HELQ: variants seen among roughly 807,000 people sequenced by gnomAD.
The protein encoded by HELQ is helicase, POLQ like.
Under a neutral mutation model 111.6 loss-of-function variants are expected in HELQ, and 77 were observed. The ratio of observed to expected loss-of-function variants is 0.69; its 90% CI spans 0.57 to 0.83. The LOEUF is 0.83. Ranked by LOEUF, HELQ falls within the 40% of genes least tolerant of loss-of-function variation. HELQ has a pLI of 0.00. For synonymous variants in HELQ, 438 were observed against 454.7 expected (o/e 0.96, Z 0.47); for missense variants, 1,200 against 1,288.5 (o/e 0.93, Z 1.05).
intron 1 of HELQ, among the ~76,000 whole-genome samples, chr4:83,454,151 C>T (rs1721584878): frequency 6.6e-6 from 1 of 152,082 alleles, no homozygotes; most frequent in African/African-American, 2.4e-5. Context: ...TGCGGTAAGC[C>T]CAGATCGCGC....
rs1257998926 is a variant in HELQ, at chr4:83,443,627, CAAACA to C, written c.1466-18_1466-14del. On this transcript the variant is annotated splice_polypyrimidine_tract_variant and intron_variant, in intron 5 of 17. Transcript: ENST00000295488. ...ATTTGAGTCGTTTCTAAAACACAAA[CAAACA>C]AAAGCCAAAGTGTTAAGGAAAATAT... 1.7e-6 allele frequency: 2 copies of C among 1,190,888 alleles called. No homozygotes were observed. The highest frequency in any genetic ancestry group is 4.7e-5 in the East Asian group (2 of 42,412). The allele number at this position is 1,190,888 out of a possible 1,614,324, so 73.8% of individuals were successfully genotyped here.
rs992385601 is a variant in HELQ, at chr4:83,453,793, C to T, written c.450G>A (p.Ser150=). The change falls in exon 2 of 18, where the codon TCG becomes TCA. Residue 150 remains serine (S), a synonymous_variant. Transcript: ENST00000295488. The stretch of plus-strand genomic sequence containing the variant: ...TGCTGAGTTTGTTTTTGATACTTTC[C>T]GAGCAAAGATTTTCAGTGGCAAAGT... ...ATDFATENLC[S]ESIKNKLSIT... is the part of the protein sequence containing the mutation. 5.0e-6 allele frequency: 8 copies of T among 1,614,034 alleles called. No individual in the cohort carries two copies. Among genetic ancestry groups the T allele is most frequent in the South Asian group, 1.1e-5 (1 of 91,066 alleles).
rs201238048 is a variant in HELQ, at chr4:83,421,759, A to T, written c.2776-23T>A. On this transcript the variant is annotated intron_variant, in intron 14 of 17. Coordinates refer to ENST00000295488, the MANE Select transcript of HELQ (RefSeq NM_133636.5). ...CTTCTAGAAAGACACAATCAAATAA[A>T]TTCGTTTACTAGACCTGCTAAAAAT... is the stretch of plus-strand genomic sequence containing the variant. The T allele has an allele frequency of 1.5e-4, 237 of 1,597,260 alleles. 1 individual carries two copies. In the African/African-American group the frequency reaches 2.9e-3, roughly 20 times the overall value.
In HELQ at chr4:83,453,351, C is replaced by T. The variant is rs1721507233; in HGVS notation, c.892G>A (p.Glu298Lys). The change falls in exon 2 of 18, where the codon GAA becomes AAA. Residue 298 changes from glutamate to lysine, a missense_variant. Transcript: ENST00000295488. ...ACTGTTTTCTTAGCAACATTAATTT[C>T]CTCAGATAGGAGAGTGTCTTTGAGC... ...KQLKDTLLSE[E>K]INVAKKTVES... 3 of 1,613,332 alleles carry T rather than the reference C, an allele frequency of 1.9e-6. No individual in the cohort carries two copies. The Admixed American group carries it at 5.0e-5, about 27-fold the overall frequency.
intron 7 of HELQ, among the ~76,000 whole-genome samples, chr4:83,440,373 CTAA>C (rs1321316049): frequency 1.3e-5 from 2 of 152,076 alleles, no homozygotes; most frequent in Non-Finnish European, 2.9e-5. Flanking sequence ...CAGATTGATC[CTAA>C]TAATAGTTAA....
At chr4:83,437,350 T>A (rs966176999) in intron 8 of HELQ, among the ~76,000 whole-genome samples, 7 of 152,288 alleles carry the variant, frequency 4.6e-5, no homozygotes, top group Middle Eastern at 3.4e-3. Flanking sequence ...CGATGGCTCA[T>A]GCCTGTAATC....
chr4:83,455,747 G>A lies in HELQ; in HGVS notation c.-54C>T. 2 of 1,530,616 alleles carry A rather than the reference G, an allele frequency of 1.3e-6. No homozygotes were observed. The highest frequency in any genetic ancestry group is 1.8e-6 in the Non-Finnish European group (2 of 1,127,916). The allele number at this position is 1,530,616 out of a possible 1,614,324, so 94.8% of individuals were successfully genotyped here. A position where few individuals can be genotyped will look rare whatever the true frequency, so the allele number is the denominator to read the frequency against. ...TCGTTCTCAGTGACCCAGACGCTAA[G>A]CCCATATGGAAGGGAGAGTGGGACG... On this transcript the variant is annotated 5_prime_UTR_variant, in exon 1 of 18. Transcript: ENST00000295488.
intron 1 of HELQ, among the ~76,000 whole-genome samples, 188 bp from the exon 2 acceptor site, chr4:83,454,133 G>T (rs753777954): frequency 6.6e-6 from 1 of 152,184 alleles, no homozygotes; most frequent in Non-Finnish European, 1.5e-5. Context: ...AACCTGGGAA[G>T]CGCAGGTTGC....
Position 83,439,910 on chromosome 4 carries a change from C to G in HELQ, c.1761G>C (p.Lys587Asn). 1 of 1,605,674 alleles carries G rather than the reference C, an allele frequency of 6.2e-7. No individual in the cohort carries two copies. The highest frequency in any genetic ancestry group is 8.5e-7 in the Non-Finnish European group (1 of 1,173,486). ...NYSCLVFCPS[K>N]KNCENVAEMI... Reference sequence around the variant, plus strand: ...TTTCTGCTACATTTTCACAGTTCTTCTTACTAGGACAAAAAACTAAGCAGG... The same window carrying G: ...TTTCTGCTACATTTTCACAGTTCTTGTTACTAGGACAAAAAACTAAGCAGG... The change falls in exon 8 of 18, where the codon AAG becomes AAC. Residue 587 changes from lysine (K) to asparagine (N), a missense_variant. By Grantham distance (94) the Lys-to-Asn change is moderately conservative. Transcript: ENST00000295488.
intron 4 of HELQ, among the ~76,000 whole-genome samples, chr4:83,446,591 C>T (rs1409459999): frequency 6.6e-6 from 1 of 152,182 alleles, no homozygotes; most frequent in Non-Finnish European, 1.5e-5. Flanking sequence ...CAGGCATGAG[C>T]CACCACGCCC....
At chr4:83,448,757 G>A (rs774265390) in intron 3 of HELQ, 26 bp downstream of exon 3, 1 of 1,572,386 alleles carries the variant, frequency 6.4e-7, no homozygotes, top group Non-Finnish European at 8.7e-7. Context: ...AATAACATTT[G>A]TTTTAAAACA....
intron 17 of HELQ, among the ~76,000 whole-genome samples, chr4:83,408,249 C>G (rs373324710): frequency 4.6e-4 from 70 of 152,146 alleles, no homozygotes; most frequent in South Asian, 8.3e-4. Context: ...CCGCTCCCCC[C>G]CACCCGCCTT....
chr4:83,432,847 G>T (rs927708274), intron 9 of HELQ, among the ~76,000 whole-genome samples: 6 of 151,934 alleles, frequency 3.9e-5, no homozygotes, highest in African/African-American at 7.3e-5. Flanking sequence ...AGGAGTTTGA[G>T]ACCAGCTTGG....
At chr4:83,433,450 G>A (rs559166506) in intron 9 of HELQ, among the ~76,000 whole-genome samples, 23 of 152,162 alleles carry the variant, frequency 1.5e-4, no homozygotes, top group Admixed American at 5.2e-4. Flanking sequence ...GGCGGATCAC[G>A]AGGTCAGGAG....
At position 83,446,969 on chromosome 4, in the gene HELQ, C is replaced by T. The variant is rs1721080981; in HGVS notation, c.1258G>A (p.Gly420Arg). 6.2e-7 allele frequency: 1 copy of T among 1,613,510 alleles called. No individual in the cohort carries two copies. The highest frequency in any genetic ancestry group is 1.7e-5 in the Admixed American group (1 of 59,998). ...CTTCTTTTAGTTGGAGGAAATCTTC[C>T]TTTGCTTCCAGCATATTCTTCAACA... ...FFVEEYAGSK[G>R]RFPPTKRREK... The change falls in exon 4 of 18, where the codon GGA becomes AGA. Residue 420 changes from glycine (G) to arginine (R), a missense_variant. Gly to Arg is a moderately radical substitution (Grantham distance 125, BLOSUM62 -2). Transcript: ENST00000295488.
At chr4:83,447,097 C>G in intron 3 of HELQ, 62 bp from the exon 4 acceptor site, 1 of 748,030 alleles carries the variant, frequency 1.3e-6, no homozygotes, top group Non-Finnish European at 2.0e-6. Flanking sequence ...CCTGTAATCC[C>G]AGTACCTTGG....
chr4:83,422,355 C>A (rs1424825633), intron 14 of HELQ, among the ~76,000 whole-genome samples: 9 of 152,230 alleles, frequency 5.9e-5, no homozygotes, highest in Admixed American at 5.9e-4. Context: ...CAAATCCTAA[C>A]CCCTGGTACC....
At chr4:83,413,381 T>G (rs533812412) in intron 17 of HELQ, among the ~76,000 whole-genome samples, 36 of 152,224 alleles carry the variant, frequency 2.4e-4, no homozygotes, top group African/African-American at 8.2e-4. Context: ...GTCACAGAAA[T>G]CTTCTGTCTG....
intron 14 of HELQ, among the ~76,000 whole-genome samples, chr4:83,422,206 G>A (rs777115282): frequency 5.3e-5 from 8 of 152,066 alleles, no homozygotes; most frequent in Non-Finnish European, 1.2e-4. Flanking sequence ...GAGACAGAGT[G>A]AGACCCTGTC....
Sources: allele counts gnomAD v4.1 joint callset (sites outside exome capture counted in the v4.1 genomes callset), GRCh38; gene constraint gnomAD v4.1.1; transcripts MANE v1.5; gene names NCBI Gene and HGNC (gene_info 2026-07-23, HGNC 2026-07-21).